Variants in POPDC1 observed in about 807,000 individuals in gnomAD.
POPDC1 encodes popeye domain cAMP effector 1.
chr6:105,109,874 A>G, the POPDC1 span, among the ~76,000 whole-genome samples: 2 of 151,770 alleles, frequency 1.3e-5, no homozygotes, highest in African/African-American at 4.8e-5. Context: ...GAGCAGGACT[A>G]AAATTAGCTT....
At chr6:105,128,856 G>C in the POPDC1 span, among the ~76,000 whole-genome samples, 2 of 152,106 alleles carry the variant, frequency 1.3e-5, no homozygotes, top group African/African-American at 4.8e-5. Flanking sequence ...TTCTTGGTAT[G>C]ATCAACAAAT....
chr6:105,133,385 G>C, the POPDC1 span: 1 of 1,613,564 alleles, frequency 6.2e-7, no homozygotes, highest in Non-Finnish European at 8.5e-7. Flanking sequence ...AATATCATAT[G>C]AAGGTGAAGA....
At chr6:105,101,150 T>C in the POPDC1 span, 15 of 1,613,802 alleles carry the variant, frequency 9.3e-6, no homozygotes, top group Admixed American at 2.5e-4. Flanking sequence ...GTCATCATCA[T>C]CTTCTGCTCC....
At chr6:105,124,777 G>T in the POPDC1 span, 3 of 708,154 alleles carry the variant, frequency 4.2e-6, no homozygotes, top group Admixed American at 2.8e-5. Context: ...CCACAGAGAT[G>T]ATGGACATAA....
the POPDC1 span, among the ~76,000 whole-genome samples, chr6:105,106,584 T>C: frequency 1.3e-5 from 2 of 152,208 alleles, no homozygotes; most frequent in Non-Finnish European, 2.9e-5. Context: ...GCAGAGTCTC[T>C]CCTGGGCAGA....
the POPDC1 span, chr6:105,136,871 A>C: frequency 6.6e-6 from 1 of 152,104 alleles, no homozygotes; most frequent in Admixed American, 6.5e-5. Flanking sequence ...AGGGGCTGAG[A>C]TCCAACTTTC....
At chr6:105,120,429 T>C in the POPDC1 span, among the ~76,000 whole-genome samples, 4 of 152,340 alleles carry the variant, frequency 2.6e-5, no homozygotes, top group East Asian at 7.7e-4. Flanking sequence ...TCAAGCAAAG[T>C]GTATTTTTTA....
At chr6:105,124,143 G>A in the POPDC1 span, among the ~76,000 whole-genome samples, 1 of 152,054 alleles carries the variant, frequency 6.6e-6, no homozygotes, top group African/African-American at 2.4e-5. Flanking sequence ...AGCACTTTGG[G>A]AGGCCGAGGC....
chr6:105,108,461 C>T, the POPDC1 span, among the ~76,000 whole-genome samples: 2 of 152,074 alleles, frequency 1.3e-5, no homozygotes, highest in Admixed American at 6.5e-5. Flanking sequence ...AGGCAGGGTT[C>T]AAATAGAGGA....
At chr6:105,133,065 C>T in the POPDC1 span, among the ~76,000 whole-genome samples, 7 of 152,182 alleles carry the variant, frequency 4.6e-5, no homozygotes, top group African/African-American at 1.7e-4. Context: ...ATTTGAATCA[C>T]ACAATTTGGC....
the POPDC1 span, chr6:105,097,947 T>C: frequency 6.6e-6 from 1 of 152,206 alleles, no homozygotes; most frequent in Non-Finnish European, 1.5e-5. Context: ...TTAGTAAATA[T>C]AAATATTTAT....
At chr6:105,135,238 C>A in the POPDC1 span, among the ~76,000 whole-genome samples, 1 of 152,130 alleles carries the variant, frequency 6.6e-6, no homozygotes, top group Non-Finnish European at 1.5e-5. Flanking sequence ...GAAAGCCACT[C>A]TGAAGGAACG....
the POPDC1 span, chr6:105,115,891 C>T: frequency 5.2e-6 from 8 of 1,540,538 alleles, no homozygotes; most frequent in African/African-American, 1.1e-4. Flanking sequence ...TCCATTTAAG[C>T]AGCATGTACT....
chr6:105,133,963 T>C, the POPDC1 span, among the ~76,000 whole-genome samples: 1 of 152,158 alleles, frequency 6.6e-6, no homozygotes, highest in East Asian at 1.9e-4. Flanking sequence ...AATTACAAAG[T>C]TATTTAGTCT....
chr6:105,097,395 C>G, the POPDC1 span: 1 of 152,114 alleles, frequency 6.6e-6, no homozygotes, highest in Non-Finnish European at 1.5e-5. Flanking sequence ...TTCTAAAAAA[C>G]GCAAAATGGT....
chr6:105,105,173 C>T, the POPDC1 span, among the ~76,000 whole-genome samples: 4 of 152,130 alleles, frequency 2.6e-5, no homozygotes, highest in Non-Finnish European at 5.9e-5. Context: ...GGCTGAGAAT[C>T]TGCAATCCCC....
chr6:105,103,864 G>A, the POPDC1 span, among the ~76,000 whole-genome samples: 1 of 152,096 alleles, frequency 6.6e-6, no homozygotes, highest in Non-Finnish European at 1.5e-5. Context: ...GAAAATGAAG[G>A]GAGGACTCAA....
chr6:105,117,866 C>T, the POPDC1 span, among the ~76,000 whole-genome samples: 1 of 152,114 alleles, frequency 6.6e-6, no homozygotes, highest in Admixed American at 6.5e-5. Context: ...CACAACATGG[C>T]AAAACCCTGG....
chr6:105,102,128 A>G, the POPDC1 span, among the ~76,000 whole-genome samples: 4 of 152,114 alleles, frequency 2.6e-5, no homozygotes, highest in Non-Finnish European at 5.9e-5. Context: ...TCGCTACCCA[A>G]TCACAGGGTG....
Sources: allele counts gnomAD v4.1 joint callset (sites outside exome capture counted in the v4.1 genomes callset), GRCh38; gene constraint gnomAD v4.1.1; transcripts MANE v1.5; gene names NCBI Gene and HGNC (gene_info 2026-07-23, HGNC 2026-07-21).